Variants in DPP6 observed in about 807,000 individuals in gnomAD.
The protein encoded by DPP6 is A-type potassium channel modulatory protein DPP6.
A neutral mutation model predicts 122.6 loss-of-function variants in DPP6; 69 were observed. The ratio of observed to expected loss-of-function variants is 0.56; its 90% confidence interval spans 0.46 to 0.69. DPP6 has a LOEUF of 0.69. Among genes scored for constraint, DPP6 ranks in the 30% least tolerant of loss-of-function variants. DPP6 has a pLI of 0.00. For synonymous variants in DPP6, 418 were observed against 433.1 expected (o/e 0.97, Z 0.43); for missense variants, 928 against 1,116.9 (o/e 0.83, Z 2.41).
At chr7:153,786,594 C>G in the DPP6 span, among the ~76,000 whole-genome samples, 4 of 151,694 alleles carry the variant, frequency 2.6e-5, no homozygotes, top group African/African-American at 9.7e-5. Flanking sequence ...AAAAAATTAG[C>G]CGGGCGTGGT....
intron 1 of DPP6, among the ~76,000 whole-genome samples, chr7:154,086,286 A>G (rs574052672): frequency 1.1e-4 from 16 of 148,390 alleles, no homozygotes; most frequent in African/African-American, 3.7e-4. Context: ...CAGGAGCCAT[A>G]GCACTGTAAC....
intron 8 of DPP6, among the ~76,000 whole-genome samples, chr7:154,756,434 T>A (rs1843674272): frequency 6.6e-6 from 1 of 152,098 alleles, no homozygotes; most frequent in African/African-American, 2.4e-5. Flanking sequence ...AGTAGACGAT[T>A]TTACGGATAA....
chr7:154,611,427 C>T (rs953895892), intron 5 of DPP6, among the ~76,000 whole-genome samples: 1 of 152,054 alleles, frequency 6.6e-6, no homozygotes, highest in Non-Finnish European at 1.5e-5. Context: ...AAAAAGCCCC[C>T]ACAACAAAAA....
At chr7:154,551,893 T>C (rs1013969601) in intron 4 of DPP6, among the ~76,000 whole-genome samples, 1 of 152,214 alleles carries the variant, frequency 6.6e-6, no homozygotes, top group Non-Finnish European at 1.5e-5. Context: ...AATATCCTTT[T>C]GTTTACCTCT....
At chr7:154,060,336 G>T (rs1258409160) in intron 1 of DPP6, among the ~76,000 whole-genome samples, 300 of 105,074 alleles carry the variant, frequency 2.9e-3, no homozygotes, top group Middle Eastern at 5.4e-3. Context: ...AGGAGGGGGA[G>T]GCACCCCCCG....
At chr7:153,752,334 C>T in the DPP6 span, among the ~76,000 whole-genome samples, 2 of 150,060 alleles carry the variant, frequency 1.3e-5, no homozygotes, top group Non-Finnish European at 3.0e-5. Context: ...ACTGCATCCT[C>T]CACCTCCCAG....
intron 1 of DPP6, among the ~76,000 whole-genome samples, chr7:154,301,765 A>G (rs1023205176): frequency 6.7e-6 from 1 of 150,212 alleles, no homozygotes; most frequent in Admixed American, 6.6e-5. Flanking sequence ...TGGTAAGAAC[A>G]CTTAATACAA....
chr7:154,872,424 C>T (rs1244959576), intron 18 of DPP6, among the ~76,000 whole-genome samples, 200 bp from the exon 19 acceptor site: 1 of 152,258 alleles, frequency 6.6e-6, no homozygotes, highest in African/African-American at 2.4e-5. Context: ...AATGAAGCTT[C>T]ACACAGGTCG....
intron 1 of DPP6, among the ~76,000 whole-genome samples, chr7:153,980,702 C>T (rs1796539374): frequency 6.6e-6 from 1 of 152,190 alleles, no homozygotes; most frequent in Admixed American, 6.5e-5. Context: ...AAATGTCCGT[C>T]TAAATACTGC....
the DPP6 span, among the ~76,000 whole-genome samples, chr7:153,846,897 C>T: frequency 6.6e-6 from 1 of 152,062 alleles, no homozygotes; most frequent in African/African-American, 2.4e-5. Context: ...TGGGGTTTCA[C>T]CCTGTTAGCC....
At chr7:154,220,406 G>A (rs948945768) in intron 1 of DPP6, among the ~76,000 whole-genome samples, 1 of 152,142 alleles carries the variant, frequency 6.6e-6, no homozygotes, top group Non-Finnish European at 1.5e-5. Context: ...AATAGACCCT[G>A]AGACCTAGCT....
chr7:154,216,211 ACT>A (rs964264878), intron 1 of DPP6, among the ~76,000 whole-genome samples: 1 of 151,838 alleles, frequency 6.6e-6, no homozygotes, highest in Non-Finnish European at 1.5e-5. Flanking sequence ...ACAAATACAA[ACT>A]CTGGGAAATC....
Position 154,361,007 on chromosome 7 carries a change from G to A in DPP6, c.244-85207G>A, listed in dbSNP as rs149288596. Among the ~76,000 whole-genome samples the A allele has an allele frequency of 6.0e-3, 908 of 152,220 alleles. 10 individuals are homozygous for A. Among genetic ancestry groups the A allele is most frequent in the African/African-American group, 0.021 (862 of 41,528 alleles). On this transcript the variant is annotated intron_variant, in intron 1 of 25. Transcript: ENST00000377770. ...GGCCAGTGGCCTATTGAGAAGATCC[G>A]TATAATAAGATGCTGGATTCTGTGG... is the stretch of plus-strand genomic sequence containing the variant.
intron 16 of DPP6, among the ~76,000 whole-genome samples, chr7:154,840,561 C>T (rs866982428): frequency 1.3e-5 from 2 of 152,172 alleles, no homozygotes; most frequent in African/African-American, 2.4e-5. Context: ...AGCGTTGTCT[C>T]GGGAAGCTGA....
rs1214961577 is a variant in DPP6 at position 154,574,547 on chromosome 7, G to A, written c.627+7631G>A. On this transcript the variant is annotated intron_variant, in intron 5 of 25. Transcript: ENST00000377770. Reference sequence around the variant, plus strand: ...ATATGTGTGGTGTGTATGGTGTGGTGTGTGTGTGGTATGTGTATAAGTGTG... The same window carrying A: ...ATATGTGTGGTGTGTATGGTGTGGTATGTGTGTGGTATGTGTATAAGTGTG... 2.8e-5 allele frequency among the ~76,000 whole-genome samples: 4 copies of A among 142,854 alleles called. No homozygotes were observed. The East Asian group carries it at 8.9e-4, about 32-fold the overall frequency. 93.7% of individuals were successfully genotyped at this position (142,854 alleles called of 152,430 possible). A position where few individuals can be genotyped will look rare whatever the true frequency, so the allele number is the denominator to read the frequency against.
chr7:154,574,344 T>C (rs1349797637), intron 5 of DPP6, among the ~76,000 whole-genome samples: 1 of 127,068 alleles, frequency 7.9e-6, no homozygotes, highest in Non-Finnish European at 1.7e-5. Flanking sequence ...TTGTGTGTGG[T>C]ATGTGTATAT....
At chr7:153,979,089 TG>T (rs1277217797) in intron 1 of DPP6, among the ~76,000 whole-genome samples, 1 of 151,946 alleles carries the variant, frequency 6.6e-6, no homozygotes, top group Non-Finnish European at 1.5e-5. Flanking sequence ...AGAAAGTCAG[TG>T]GTAGCTTGAT....
chr7:154,616,514 G>A, intron 5 of DPP6, among the ~76,000 whole-genome samples: 1 of 152,220 alleles, frequency 6.6e-6, no homozygotes, highest in South Asian at 2.1e-4. Context: ...ACAGAGAGTT[G>A]CTGGTTTAGG....
chr7:154,694,060 G>T (rs1840078819), intron 7 of DPP6, among the ~76,000 whole-genome samples: 1 of 152,182 alleles, frequency 6.6e-6, no homozygotes. Flanking sequence ...AGGTTAACTT[G>T]CTAGCTGATT....
Sources: allele counts gnomAD v4.1 joint callset (sites outside exome capture counted in the v4.1 genomes callset), GRCh38; gene constraint gnomAD v4.1.1; transcripts MANE v1.5; gene names NCBI Gene and HGNC (gene_info 2026-07-23, HGNC 2026-07-21).